RNF139: variants seen among roughly 807,000 people sequenced by gnomAD.
RNF139 encodes the protein E3 ubiquitin-protein ligase RNF139.
RNF139 carries 15 observed loss-of-function variants against 49.5 expected under a neutral mutation model. The observed-to-expected ratio is 0.30, with a 90% confidence interval of 0.20 to 0.47. RNF139 has a LOEUF of 0.47. Ranked by LOEUF, RNF139 falls within the 20% of genes least tolerant of loss-of-function variation. The pLI is 1.00. For synonymous variants in RNF139, 325 were observed against 300.9 expected (o/e 1.08, Z -0.83); for missense variants, 619 against 806.3 (o/e 0.77, Z 2.81).
chr8:124,487,787 T>A lies in RNF139; in HGVS notation c.*143T>A. 1 of 757,478 alleles carries A rather than the reference T, an allele frequency of 1.3e-6. No homozygotes were observed. Among genetic ancestry groups the A allele is most frequent in the African/African-American group, 1.8e-5 (1 of 56,902 alleles). 46.9% of individuals were successfully genotyped at this position (757,478 alleles called of 1,614,324 possible). ...TCTGTGAATGGTTTTCCGTTTACTG[T>A]GATGTGCTACTGTAAATATACCTCT... On this transcript the variant is annotated 3_prime_UTR_variant, in exon 2 of 2. Transcript: ENST00000303545.
chr8:124,483,113 A>ATATATATATATTT, intron 1 of RNF139, among the ~76,000 whole-genome samples: 2 of 506 alleles, frequency 4.0e-3, no homozygotes, highest in South Asian at 0.17. Flanking sequence ...ATATATTAAA[A>ATATATATATATTT]ATATATATAT....
chr8:124,487,614 A>T lies in RNF139; in HGVS notation c.1965A>T (p.Ala655=), dbSNP rs779682173. The stretch of plus-strand genomic sequence containing the variant: ...GAGTGATTCAGCACACAGGCGCAGC[A>T]GCTGAAGAATTTAATGATGATACTG... The part of the protein sequence containing the change: ...RNGVIQHTGA[A]AEEFNDDTD The change falls in exon 2 of 2, where the codon GCA becomes GCT. Residue 655 remains alanine, a synonymous_variant. Coordinates refer to ENST00000303545, the MANE Select transcript of RNF139 (RefSeq NM_007218.4). 1.2e-6 allele frequency: 2 copies of T among 1,607,090 alleles called. No homozygotes were observed. Among genetic ancestry groups the T allele is most frequent in the South Asian group, 2.2e-5 (2 of 90,032 alleles).
In RNF139 at chr8:124,487,262, G is replaced by A. The variant is rs1272024651; in HGVS notation, c.1613G>A (p.Ser538Asn). The A allele has an allele frequency of 1.2e-6, 2 of 1,613,750 alleles. No homozygotes were observed. The highest frequency in any genetic ancestry group is 1.7e-6 in the Non-Finnish European group (2 of 1,179,958). ...KINSLPEIKG[S>N]RLQEINDVCA... The stretch of plus-strand genomic sequence containing the variant: ...AATTCACTTCCTGAAATAAAAGGGA[G>A]CCGCTTACAAGAAATAAATGATGTA... The change falls in exon 2 of 2, where the codon AGC becomes AAC. Residue 538 changes from serine to asparagine, a missense_variant. Physicochemically the swap from Ser to Asn is conservative, Grantham distance 46. This residue lies in a region of RNF139 where 530 missense variants were observed against 728.9 expected (regional missense o/e 0.73). Transcript: ENST00000303545.
chr8:124,476,666 C>A (rs4330675), intron 1 of RNF139, among the ~76,000 whole-genome samples: 1 of 152,092 alleles, frequency 6.6e-6, no homozygotes, highest in South Asian at 2.1e-4. Context: ...TATACCACCA[C>A]CATAATTTGT....
At chr8:124,477,704 G>C (rs897986558) in intron 1 of RNF139, among the ~76,000 whole-genome samples, 8 of 152,152 alleles carry the variant, frequency 5.3e-5, no homozygotes, top group Non-Finnish European at 1.0e-4. Context: ...AGAACATAAA[G>C]CTGTGTTTTA....
Position 124,487,000 on chromosome 8 carries a change from A to G in RNF139, c.1351A>G (p.Asn451Asp). ...GTTATTCATGATTGATGGCTACTAT[A>G]ATGTCCTCTGGGAAAAGCTTGACGA... The part of the protein sequence containing the change: ...YTLFMIDGYY[N>D]VLWEKLDDYV... Residue 451 changes from asparagine to aspartate, a missense_variant, in exon 2 of 2, where the codon AAT (asparagine) becomes GAT (aspartate). Transcript: ENST00000303545. 3.7e-6 allele frequency: 6 copies of G among 1,614,074 alleles called. No individual in the cohort carries two copies. Among genetic ancestry groups the G allele is most frequent in the Non-Finnish European group, 5.1e-6 (6 of 1,179,988 alleles).
chr8:124,486,949 G>A lies in RNF139; in HGVS notation c.1300G>A (p.Val434Ile), dbSNP rs1325149424. The change falls in exon 2 of 2, where the codon GTA becomes ATA. Residue 434 changes from valine to isoleucine, a missense_variant. By Grantham distance (29) the Val-to-Ile change is conservative. Transcript: ENST00000303545. ...ATTTTGTGTGGAACTGTGCTTAAAAGTAATTGTTTCTCTCACTGTTTATAC... is the reference window on the plus strand; with the variant it reads ...ATTTTGTGTGGAACTGTGCTTAAAAATAATTGTTTCTCTCACTGTTTATAC... ...TAFCVELCLK[V>I]IVSLTVYTLF... The A allele has an allele frequency of 1.9e-6, 3 of 1,613,918 alleles. No individual in the cohort carries two copies. The highest frequency in any genetic ancestry group is 2.7e-5 in the African/African-American group (2 of 74,870).
At chr8:124,479,364 C>G (rs911216924) in intron 1 of RNF139, among the ~76,000 whole-genome samples, 9 of 152,120 alleles carry the variant, frequency 5.9e-5, no homozygotes, top group Admixed American at 5.9e-4. Flanking sequence ...TGTATTGATA[C>G]AAATCTGTTC....
intron 1 of RNF139, among the ~76,000 whole-genome samples, chr8:124,482,979 T>A (rs1170226599): frequency 2.0e-5 from 2 of 99,376 alleles, no homozygotes; most frequent in African/African-American, 8.0e-5. Context: ...ATTATTTAAA[T>A]ATATATATAT....
At chr8:124,482,042 T>C (rs2131301378) in intron 1 of RNF139, among the ~76,000 whole-genome samples, 1 of 152,246 alleles carries the variant, frequency 6.6e-6, no homozygotes, top group South Asian at 2.1e-4. Flanking sequence ...TATACTATTC[T>C]TGAAATGTTA....
intron 1 of RNF139, among the ~76,000 whole-genome samples, chr8:124,476,579 C>G (rs1340583365): frequency 6.6e-6 from 1 of 152,162 alleles, no homozygotes; most frequent in Non-Finnish European, 1.5e-5. Context: ...AAGATGTAAA[C>G]GTGATGTTCA....
At chr8:124,482,323 T>A (rs1364432599) in intron 1 of RNF139, among the ~76,000 whole-genome samples, 3 of 152,132 alleles carry the variant, frequency 2.0e-5, no homozygotes, top group Non-Finnish European at 4.4e-5. Flanking sequence ...AAAAATTAGT[T>A]ATAAAATTAT....
chr8:124,477,399 TGTTA>T (rs888912789), intron 1 of RNF139, among the ~76,000 whole-genome samples: 1 of 152,238 alleles, frequency 6.6e-6, no homozygotes, highest in African/African-American at 2.4e-5. Flanking sequence ...CGTTCTGCCT[TGTTA>T]GTTTTTTTGT....
intron 1 of RNF139, among the ~76,000 whole-genome samples, chr8:124,482,956 A>T (rs1344588549): frequency 1.0e-5 from 1 of 95,592 alleles, no homozygotes; most frequent in African/African-American, 3.8e-5. Context: ...ATATATATAT[A>T]TAATATATAT....
At chr8:124,479,025 C>T (rs1282834486) in intron 1 of RNF139, among the ~76,000 whole-genome samples, 1 of 152,082 alleles carries the variant, frequency 6.6e-6, no homozygotes, top group African/African-American at 2.4e-5. Flanking sequence ...GTGCCTGGCC[C>T]GGAAGACTCT....
At chr8:124,485,269 CAGG>C (rs943258532) in intron 1 of RNF139, among the ~76,000 whole-genome samples, 5 of 152,230 alleles carry the variant, frequency 3.3e-5, no homozygotes, top group East Asian at 1.9e-4. Flanking sequence ...GAGGCTGGGG[CAGG>C]AGAATTGCTT....
chr8:124,487,399 A>G lies in RNF139; in HGVS notation c.1750A>G (p.Met584Val), dbSNP rs763957379. The G allele has an allele frequency of 6.2e-6, 10 of 1,614,146 alleles. No individual in the cohort carries two copies. Among genetic ancestry groups the G allele is most frequent in the Middle Eastern group, 1.6e-4 (1 of 6,062 alleles). ...KWLYIQDTCP[M>V]CHQKVYIEDD... The stretch of plus-strand genomic sequence containing the variant: ...GCTGTACATTCAAGATACTTGTCCA[A>G]TGTGCCATCAGAAAGTATACATCGA... The change falls in exon 2 of 2, where the codon ATG becomes GTG. Residue 584 changes from methionine (M) to valine (V), a missense_variant. Coordinates refer to ENST00000303545, the MANE Select transcript of RNF139 (RefSeq NM_007218.4).
chr8:124,478,886 C>T (rs889682450), intron 1 of RNF139, among the ~76,000 whole-genome samples: 9 of 150,386 alleles, frequency 6.0e-5, no homozygotes, highest in Non-Finnish European at 1.2e-4. Context: ...CCACCCCCGG[C>T]AAATTTTTTT....
rs1816525887 is a variant in RNF139 at position 124,486,243 on chromosome 8, G to A, written c.594G>A (p.Leu198=). Residue 198 remains leucine (L), a synonymous_variant, in exon 2 of 2, where the codon CTG becomes CTA. Coordinates refer to ENST00000303545, the MANE Select transcript of RNF139 (RefSeq NM_007218.4). Reference sequence around the variant, plus strand: ...CAGTGTTTGTCCTGGCAGTGAAACTGAAGTGGTTTTATTATTCCACACGAT... The same window carrying A: ...CAGTGTTTGTCCTGGCAGTGAAACTAAAGTGGTTTTATTATTCCACACGAT... ...LNTVFVLAVK[L]KWFYYSTRYV... is the part of the protein sequence containing the mutation. 6.2e-7 allele frequency: 1 copy of A among 1,614,024 alleles called. No homozygotes were observed. Among genetic ancestry groups the A allele is most frequent in the East Asian group, 2.2e-5 (1 of 44,898 alleles).
Sources: gnomAD v4.1 joint callset for allele counts (sites outside exome capture counted in the v4.1 genomes callset) on GRCh38, gnomAD v4.1.1 for gene constraint, gnomAD v4.1.1 regional missense constraint, MANE v1.5 for transcripts, NCBI Gene and HGNC (gene_info 2026-07-23, HGNC 2026-07-21) for gene names.